The following PRKAG2 variants were observed in gnomAD, a reference collection of about 807,000 sequenced individuals.
PRKAG2 encodes protein kinase AMP-activated non-catalytic subunit gamma 2.
PRKAG2 carries 26 observed loss-of-function variants against 69.6 expected under a neutral mutation model. The observed-to-expected ratio is 0.37, with a 90% CI of 0.27 to 0.52. The LOEUF (loss-of-function observed/expected upper bound fraction) is 0.52. Among genes scored for constraint, PRKAG2 ranks in the 20% least tolerant of loss-of-function variants. PRKAG2 has a pLI of 0.90. For synonymous variants in PRKAG2, 293 were observed against 285.0 expected (o/e 1.03, Z -0.28); for missense variants, 557 against 740.0 (o/e 0.75, Z 2.87).
chr7:151,677,467 C>G (rs937298496), intron 3 of PRKAG2, among the ~76,000 whole-genome samples: 1 of 152,194 alleles, frequency 6.6e-6, no homozygotes, highest in Admixed American at 6.5e-5. Context: ...GCTGGGATTG[C>G]AGGCATGAGC....
At chr7:151,744,833 A>G (rs1365587237) in intron 3 of PRKAG2, among the ~76,000 whole-genome samples, 4 of 152,124 alleles carry the variant, frequency 2.6e-5, no homozygotes, top group African/African-American at 4.8e-5. Flanking sequence ...GGGCAGGGGG[A>G]ACCCTAGTCA....
chr7:151,823,654 G>A (rs764785118), intron 1 of PRKAG2, among the ~76,000 whole-genome samples: 1 of 152,060 alleles, frequency 6.6e-6, no homozygotes, highest in Non-Finnish European at 1.5e-5. Flanking sequence ...AGGGAGAGAC[G>A]TGGGAAGAGA....
chr7:151,664,257 C>G (rs918388655), intron 4 of PRKAG2, among the ~76,000 whole-genome samples: 2 of 152,150 alleles, frequency 1.3e-5, no homozygotes, highest in African/African-American at 4.8e-5. Context: ...AGCCATTGAG[C>G]CTTTGGGGGA....
intron 5 of PRKAG2, among the ~76,000 whole-genome samples, chr7:151,620,728 C>T (rs1479483222): frequency 2.0e-5 from 3 of 152,190 alleles, no homozygotes; most frequent in Non-Finnish European, 4.4e-5. Context: ...GATCCTTCCA[C>T]CTTGGCCTCC....
At chr7:151,608,420 C>T (rs995288026) in intron 5 of PRKAG2, among the ~76,000 whole-genome samples, 23 of 152,334 alleles carry the variant, frequency 1.5e-4, no homozygotes, top group South Asian at 2.1e-4. Flanking sequence ...GTTAATGCTT[C>T]GTGAGTCACA....
At chr7:151,558,364 G>A in intron 15 of PRKAG2, 2 of 985,416 alleles carry the variant, frequency 2.0e-6, no homozygotes, top group Non-Finnish European at 2.4e-6. Context: ...CAGGTCCCGG[G>A]CACTGCGCCT....
rs757602208 is a variant in PRKAG2 at position 151,645,329 on chromosome 7, C to T, written c.685-13191G>A. On this transcript the variant is annotated intron_variant, in intron 4 of 15. Coordinates refer to ENST00000287878, the MANE Select transcript of PRKAG2 (RefSeq NM_016203.4). ...AATGAACTAAGGCTCTCAGTCTAACCGCTTGCAAGGAACTAAACACTGCCA... is the reference window on the plus strand; with the variant it reads ...AATGAACTAAGGCTCTCAGTCTAACTGCTTGCAAGGAACTAAACACTGCCA... 1.7e-4 allele frequency among the ~76,000 whole-genome samples: 26 copies of T among 152,282 alleles called. No homozygotes were observed. The East Asian group carries it at 3.9e-3, about 23-fold the overall frequency.
chr7:151,603,438 C>T (rs1420445625), intron 5 of PRKAG2, among the ~76,000 whole-genome samples: 1 of 37,790 alleles, frequency 2.6e-5, no homozygotes, highest in Non-Finnish European at 4.5e-5. Context: ...CCATCCTCAC[C>T]GCACACGGAG....
At chr7:151,666,406 G>A (rs1158872619) in intron 4 of PRKAG2, among the ~76,000 whole-genome samples, 1 of 152,186 alleles carries the variant, frequency 6.6e-6, no homozygotes, top group African/African-American at 2.4e-5. Context: ...AACTGAACCT[G>A]CCAACACCTT....
At chr7:151,867,923 C>T (rs963289532) in intron 1 of PRKAG2, among the ~76,000 whole-genome samples, 1 of 152,182 alleles carries the variant, frequency 6.6e-6, no homozygotes, top group Non-Finnish European at 1.5e-5. Flanking sequence ...TGCAGGGCCA[C>T]CCCCAGCAAT....
intron 1 of PRKAG2, among the ~76,000 whole-genome samples, chr7:151,795,273 C>T (rs953600087): frequency 6.6e-6 from 1 of 152,170 alleles, no homozygotes; most frequent in Non-Finnish European, 1.5e-5. Flanking sequence ...CTGGGAGGCC[C>T]CGGGACATGC....
chr7:151,628,814 C>T (rs1823662759), intron 5 of PRKAG2, among the ~76,000 whole-genome samples: 1 of 152,172 alleles, frequency 6.6e-6, no homozygotes, highest in Admixed American at 6.5e-5. Context: ...CATTGAGATC[C>T]AAAGCACTGC....
Position 151,875,565 on chromosome 7 carries a change from GTGTGTGTGTGTGT to G in PRKAG2, c.114+929_114+941del, listed in dbSNP as rs1563774143. ...AACTTTCTCTACGGAGCACTCTGGT[GTGTGTGTGTGTGT>G]GTGTGTGTGTGTGTGTGTGTGTGTG... On this transcript the variant is annotated intron_variant, in intron 1 of 15. Coordinates refer to ENST00000287878, the MANE Select transcript of PRKAG2 (RefSeq NM_016203.4). Among the ~76,000 whole-genome samples, 269 of 41,458 alleles carry G rather than the reference GTGTGTGTGTGTGT, an allele frequency of 6.5e-3. 1 individual carries two copies. The highest frequency in any genetic ancestry group is 0.011 in the Non-Finnish European group (218 of 19,512). 27.2% of individuals were successfully genotyped at this position (41,458 alleles called of 152,430 possible).
Position 151,632,169 on chromosome 7 carries a change from A to T in PRKAG2, c.685-31T>A, listed in dbSNP as rs777033768. On this transcript the variant is annotated intron_variant, in intron 4 of 15. Coordinates refer to ENST00000287878, the MANE Select transcript of PRKAG2 (RefSeq NM_016203.4). The surrounding 1 kb of genome is among the most constrained non-coding windows in gnomAD (Gnocchi z 4.2). ...GGGGAGGAGGAGGACAGCGATCAGC[A>T]TGAGCTGCGACGCTCGTCCCCGGCC... 9.2e-6 allele frequency: 12 copies of T among 1,299,712 alleles called. No homozygotes were observed. The highest frequency in any genetic ancestry group is 2.8e-5 in the Admixed American group (1 of 36,004). 80.5% of individuals were successfully genotyped at this position (1,299,712 alleles called of 1,614,324 possible).
intron 1 of PRKAG2, among the ~76,000 whole-genome samples, chr7:151,874,312 GTA>G (rs1419011312): frequency 3.0e-5 from 3 of 98,414 alleles, no homozygotes; most frequent in African/African-American, 1.3e-4. Context: ...ATATGTATAT[GTA>G]TATGATGTAT....
chr7:151,729,688 C>T (rs752812413), intron 3 of PRKAG2, among the ~76,000 whole-genome samples: 12 of 152,118 alleles, frequency 7.9e-5, no homozygotes, highest in African/African-American at 2.2e-4. Context: ...TGCCAGAGAC[C>T]GGCTCCTGTG....
At chr7:151,587,919 C>T (rs562321085) in intron 6 of PRKAG2, among the ~76,000 whole-genome samples, 12 of 152,118 alleles carry the variant, frequency 7.9e-5, no homozygotes, top group African/African-American at 1.4e-4. Flanking sequence ...ACCACACTAA[C>T]GCAAGATGTC....
chr7:151,628,709 G>A (rs1823633252), intron 5 of PRKAG2, among the ~76,000 whole-genome samples: 2 of 124,842 alleles, frequency 1.6e-5, no homozygotes, highest in Admixed American at 1.5e-4. Flanking sequence ...GAGGGAGGGA[G>A]GGAGGGAAAA....
intron 1 of PRKAG2, among the ~76,000 whole-genome samples, chr7:151,871,620 C>T (rs770672754): frequency 7.2e-5 from 11 of 152,226 alleles, no homozygotes; most frequent in Admixed American, 6.5e-5. Context: ...CAACCGAATT[C>T]AATTGATAAA....
Sources: allele counts gnomAD v4.1 joint callset (sites outside exome capture counted in the v4.1 genomes callset), GRCh38; gene constraint gnomAD v4.1.1; non-coding constraint Gnocchi (gnomAD v3.1); transcripts MANE v1.5; gene names NCBI Gene and HGNC (gene_info 2026-07-23, HGNC 2026-07-21).